Variants in KCNMA1 observed in about 807,000 individuals in gnomAD.
The protein encoded by KCNMA1 is Calcium-activated potassium channel subunit alpha-1.
A neutral mutation model predicts 140.0 loss-of-function variants in KCNMA1; 29 were observed. The ratio of observed to expected loss-of-function variants is 0.21; its 90% CI spans 0.15 to 0.28. KCNMA1 has a LOEUF of 0.28. KCNMA1 is among the 10% of genes least tolerant of loss of function. The probability of loss-of-function intolerance (pLI) is 1.00; values close to 1 mark genes in which losing one functional copy is unlikely to be tolerated. For missense variants in KCNMA1, 880 were observed against 1,602.2 expected, an observed-to-expected ratio of 0.55 and a Z score of 7.70; for synonymous variants, 612 against 611.9, an observed-to-expected ratio of 1.00 and a Z score of 0.00.
intron 1 of KCNMA1, among the ~76,000 whole-genome samples, chr10:77,577,203 T>C (rs532820177): frequency 6.6e-6 from 1 of 151,500 alleles, no homozygotes; most frequent in African/African-American, 2.4e-5. Flanking sequence ...CCCACCACCA[T>C]GCCCGGCTAA....
In KCNMA1 at chr10:76,887,323, C is replaced by T. The variant is rs1445232499; in HGVS notation, c.3654G>A (p.Arg1218=). ...TGTCCCGGGACTCCCTGGACTTGGG[C>T]CGGTTCTGTCGGTTTGCTGTGGATG... is the stretch of plus-strand genomic sequence containing the variant. The part of the protein sequence containing the change: ...SIPSTANRQN[R]PKSRESRDKQ... Residue 1218 remains arginine (R), a synonymous_variant, in exon 28 of 28, where the codon CGG becomes CGA. Coordinates refer to ENST00000286628, the MANE Select transcript of KCNMA1 (RefSeq NM_001161352.2). 1.2e-5 allele frequency: 19 copies of T among 1,614,034 alleles called. No individual in the cohort carries two copies. The highest frequency in any genetic ancestry group is 1.6e-5 in the Non-Finnish European group (19 of 1,180,000).
chr10:76,933,247 T>C (rs935711291), intron 23 of KCNMA1, among the ~76,000 whole-genome samples: 25 of 152,188 alleles, frequency 1.6e-4, no homozygotes, highest in Non-Finnish European at 3.2e-4. Flanking sequence ...AAACAACAGA[T>C]AGCAGGATTA....
At chr10:77,417,906 G>C (rs2154481715) in intron 1 of KCNMA1, among the ~76,000 whole-genome samples, 1 of 152,312 alleles carries the variant, frequency 6.6e-6, no homozygotes, top group Non-Finnish European at 1.5e-5. Flanking sequence ...CAGGCATACA[G>C]CGGCAGTCAG....
chr10:76,987,773 G>A (rs1185208471), intron 19 of KCNMA1, among the ~76,000 whole-genome samples: 1 of 147,088 alleles, frequency 6.8e-6, no homozygotes, highest in African/African-American at 2.5e-5. Context: ...TGTGGAGAAC[G>A]GAACTAGGGA....
chr10:77,269,415 C>T (rs2064345784), intron 2 of KCNMA1, among the ~76,000 whole-genome samples: 1 of 152,146 alleles, frequency 6.6e-6, no homozygotes, highest in African/African-American at 2.4e-5. Context: ...CACCCTGCAC[C>T]CCCATCTGCT....
chr10:77,006,792 T>A (rs780805480), intron 18 of KCNMA1, among the ~76,000 whole-genome samples: 2 of 152,206 alleles, frequency 1.3e-5, no homozygotes, highest in Non-Finnish European at 1.5e-5. Flanking sequence ...CAATTTAGTA[T>A]GCAGCTCTGC....
intron 5 of KCNMA1, among the ~76,000 whole-genome samples, chr10:77,164,477 A>G (rs1324738658): frequency 1.3e-5 from 2 of 151,522 alleles, no homozygotes; most frequent in African/African-American, 4.9e-5. Flanking sequence ...CAAACTCATA[A>G]TTCACCCTCT....
At chr10:77,609,470 A>G (rs1400635991) in intron 1 of KCNMA1, among the ~76,000 whole-genome samples, 1 of 152,256 alleles carries the variant, frequency 6.6e-6, no homozygotes, top group East Asian at 1.9e-4. Context: ...GTCAAAGAGT[A>G]CAAACTTTCA....
At chr10:77,433,526 A>G (rs2097193819) in intron 1 of KCNMA1, 1 of 152,254 alleles carries the variant, frequency 6.6e-6, no homozygotes, top group Admixed American at 6.5e-5. Context: ...ACAAATCTCT[A>G]GGTAATTCTT....
intron 1 of KCNMA1, among the ~76,000 whole-genome samples, chr10:77,566,106 T>C (rs2068204803): frequency 6.7e-6 from 1 of 148,850 alleles, no homozygotes; most frequent in Admixed American, 6.8e-5. Flanking sequence ...AAGATGGAAA[T>C]ATTCTTTAAG....
At chr10:77,100,754 T>A (rs2153824488) in intron 9 of KCNMA1, among the ~76,000 whole-genome samples, 1 of 152,302 alleles carries the variant, frequency 6.6e-6, no homozygotes. Context: ...GCTGCAATTG[T>A]TCCTGAGATT....
intron 14 of KCNMA1, among the ~76,000 whole-genome samples, chr10:77,052,148 A>C (rs1465957497): frequency 6.6e-6 from 1 of 152,184 alleles, no homozygotes. Context: ...GCTGCTAGAA[A>C]AGGCTGGAAC....
intron 13 of KCNMA1, among the ~76,000 whole-genome samples, chr10:77,075,158 A>C (rs939800192): frequency 1.3e-5 from 2 of 152,184 alleles, no homozygotes; most frequent in Non-Finnish European, 2.9e-5. Context: ...GGGCCACAGC[A>C]AGTGGTAATT....
At chr10:77,473,869 T>G (rs1189680531) in intron 1 of KCNMA1, among the ~76,000 whole-genome samples, 7 of 152,182 alleles carry the variant, frequency 4.6e-5, no homozygotes, top group African/African-American at 1.7e-4. Context: ...TAAGTCTCTT[T>G]GAGGGCCAGT....
chr10:77,173,215 A>C (rs2574794), intron 5 of KCNMA1, among the ~76,000 whole-genome samples: 138,988 of 152,176 alleles, frequency 0.91, 63,503 homozygotes, highest in African/African-American at 0.94. Context: ...ACTGGTGAAC[A>C]TGGGGGAAAA....
chr10:77,171,843 T>A (rs1271670713), intron 5 of KCNMA1, among the ~76,000 whole-genome samples: 5 of 152,166 alleles, frequency 3.3e-5, no homozygotes, highest in Non-Finnish European at 7.3e-5. Context: ...CATGTTTATA[T>A]TTTAGATACC....
intron 2 of KCNMA1, among the ~76,000 whole-genome samples, chr10:77,323,495 C>G (rs1435670957): frequency 1.3e-5 from 2 of 152,164 alleles, no homozygotes; most frequent in South Asian, 2.1e-4. Flanking sequence ...TCTGAAGGAG[C>G]AGGACTTAGC....
At chr10:77,110,603 T>C (rs761123501) in intron 7 of KCNMA1, among the ~76,000 whole-genome samples, 20 of 152,150 alleles carry the variant, frequency 1.3e-4, no homozygotes, top group African/African-American at 4.6e-4. Context: ...AAGGGAAATA[T>C]CTCTAGGCCT....
chr10:77,090,862 C>A, intron 9 of KCNMA1: 1 of 332,616 alleles, frequency 3.0e-6, no homozygotes, highest in Non-Finnish European at 5.7e-6. Flanking sequence ...TCATATCTCT[C>A]CCTTTCTGCC....
Sources: allele counts gnomAD v4.1 joint callset (sites outside exome capture counted in the v4.1 genomes callset), GRCh38; gene constraint gnomAD v4.1.1; transcripts MANE v1.5; gene names NCBI Gene and HGNC (gene_info 2026-07-23, HGNC 2026-07-21).